The following ZNF57 variants were observed in gnomAD, a reference collection of about 807,000 sequenced individuals.
ZNF57 encodes zinc finger protein 424.
Under a neutral mutation model 13.4 loss-of-function variants are expected in ZNF57, and 11 were observed. That is an observed-to-expected ratio of 0.82 (90% confidence interval 0.52 to 1.36). The LOEUF (loss-of-function observed/expected upper bound fraction) is 1.36. Ranked by LOEUF, ZNF57 falls within the 40% of genes most tolerant of loss-of-function variation. The probability of loss-of-function intolerance (pLI) is 0.00; values close to 1 mark genes in which losing one functional copy is unlikely to be tolerated. For synonymous variants in ZNF57, 224 were observed against 238.5 expected, an observed-to-expected ratio of 0.94 and a Z score of 0.56; for missense variants, 696 against 667.5, an observed-to-expected ratio of 1.04 and a Z score of -0.47.
intron 1 of ZNF57, among the ~76,000 whole-genome samples, chr19:2,914,213 T>C (rs975581914): frequency 3.3e-5 from 5 of 152,228 alleles, no homozygotes; most frequent in Admixed American, 3.3e-4. Context: ...TGGGTGTTTA[T>C]GTTTCAACTT....
intron 1 of ZNF57, among the ~76,000 whole-genome samples, chr19:2,908,395 C>A (rs2088094687): frequency 6.7e-6 from 1 of 148,390 alleles, no homozygotes; most frequent in Non-Finnish European, 1.5e-5. Context: ...TAAAAACCAG[C>A]TTTACTGACA....
Position 2,915,638 on chromosome 19 carries a change from G to A in ZNF57, c.120G>A (p.Leu40=). 1 of 1,613,834 alleles carries A rather than the reference G, an allele frequency of 6.2e-7. No individual in the cohort carries two copies. The highest frequency in any genetic ancestry group is 8.5e-7 in the Non-Finnish European group (1 of 1,179,830). The stretch of plus-strand genomic sequence containing the variant: ...TGATGCTGGAGACCTTCCGGAACCT[G>A]GCCTCAGTAGGTGAGGATGGCATCA... ...RDVMLETFRN[L]ASVDDGTQFK... The change falls in exon 2 of 4, where the codon CTG becomes CTA. Residue 40 remains leucine (L), a synonymous_variant. Coordinates refer to ENST00000306908, the MANE Select transcript of ZNF57 (RefSeq NM_173480.3).
chr19:2,914,377 C>T (rs941742751), intron 1 of ZNF57, among the ~76,000 whole-genome samples: 2 of 152,170 alleles, frequency 1.3e-5, no homozygotes, highest in Admixed American at 6.5e-5. Context: ...GCCTCAGCCT[C>T]CTGAGTAGCT....
At chr19:2,914,365 C>T (rs1050633808) in intron 1 of ZNF57, among the ~76,000 whole-genome samples, 1 of 152,182 alleles carries the variant, frequency 6.6e-6, no homozygotes, top group Non-Finnish European at 1.5e-5. Context: ...AGTGATTCTC[C>T]TGCCTCAGCC....
intron 2 of ZNF57, 70 bp from the exon 3 acceptor site, chr19:2,916,008 C>T: frequency 2.6e-6 from 4 of 1,513,188 alleles, no homozygotes; most frequent in Non-Finnish European, 3.6e-6. Flanking sequence ...AAATGCTAAA[C>T]TCCTCAGTGT....
At chr19:2,904,346 C>T (rs538147637) in intron 1 of ZNF57, among the ~76,000 whole-genome samples, 14 of 152,010 alleles carry the variant, frequency 9.2e-5, no homozygotes, top group African/African-American at 3.4e-4. Context: ...ATTTTGTGTA[C>T]TTATTTATTT....
At chr19:2,911,141 C>A (rs903540074) in intron 1 of ZNF57, among the ~76,000 whole-genome samples, 2 of 152,218 alleles carry the variant, frequency 1.3e-5, no homozygotes, top group Admixed American at 1.3e-4. Context: ...TGGCTCACTG[C>A]AGCCTTAATC....
In ZNF57 at chr19:2,917,742, C is replaced by T. The variant is rs759043904; in HGVS notation, c.1121C>T (p.Thr374Ile). 2.5e-6 allele frequency: 4 copies of T among 1,613,416 alleles called. No individual in the cohort carries two copies. The South Asian group carries it at 4.4e-5, about 18-fold the overall frequency. Residue 374 changes from threonine (T) to isoleucine (I), a missense_variant, in exon 4 of 4, where the codon ACT becomes ATT. Thr to Ile is a moderately conservative substitution (Grantham distance 89). Coordinates refer to ENST00000306908, the MANE Select transcript of ZNF57 (RefSeq NM_173480.3). Reference protein sequence around the residue: ...YECKQCGKAFTWSSTFREHVR... With the variant: ...YECKQCGKAFIWSSTFREHVR... ...TGTAAACAATGTGGGAAAGCCTTCA[C>T]TTGGTCCTCAACGTTTAGAGAACAT...
At chr19:2,911,013 C>G (rs916481458) in intron 1 of ZNF57, among the ~76,000 whole-genome samples, 1 of 151,726 alleles carries the variant, frequency 6.6e-6, no homozygotes, top group Non-Finnish European at 1.5e-5. Context: ...TTTCTCCTTT[C>G]TTAGCAAGTC....
chr19:2,914,811 C>T (rs181113488), intron 1 of ZNF57, among the ~76,000 whole-genome samples: 4 of 152,248 alleles, frequency 2.6e-5, no homozygotes, highest in South Asian at 2.1e-4. Flanking sequence ...CAAAACAGTG[C>T]GTTTTAATTA....
rs1175771371 is a variant in ZNF57 at position 2,917,824 on chromosome 19, T to G, written c.1203T>G (p.Phe401Leu). The G allele has an allele frequency of 6.2e-7, 1 of 1,603,922 alleles. No individual in the cohort carries two copies. Among genetic ancestry groups the G allele is most frequent in the African/African-American group, 1.3e-5 (1 of 74,508 alleles). Residue 401 changes from phenylalanine to leucine, a missense_variant, in exon 4 of 4, where the codon TTT becomes TTG. Phe to Leu is a conservative substitution (Grantham distance 22). This residue lies in a region of ZNF57 where 645 missense variants were observed against 591.5 expected (regional missense o/e 1.09). Transcript: ENST00000306908. ...AATGTGAACAATGTGGGAAGGCTTTTACCTCTTCCAGATCATTCCGAGGTC... is the reference window on the plus strand; with the variant it reads ...AATGTGAACAATGTGGGAAGGCTTTGACCTCTTCCAGATCATTCCGAGGTC... Reference protein sequence around the residue: ...LYKCEQCGKAFTSSRSFRGHL... With the variant: ...LYKCEQCGKALTSSRSFRGHL...
chr19:2,905,234 G>T (rs1247083868), intron 1 of ZNF57, among the ~76,000 whole-genome samples: 1 of 151,598 alleles, frequency 6.6e-6, no homozygotes, highest in Non-Finnish European at 1.5e-5. Flanking sequence ...GCACAATCTT[G>T]GCTCACTGCA....
At chr19:2,907,778 A>C (rs949428560) in intron 1 of ZNF57, among the ~76,000 whole-genome samples, 2 of 152,202 alleles carry the variant, frequency 1.3e-5, no homozygotes, top group African/African-American at 4.8e-5. Flanking sequence ...CAGTGGTGTG[A>C]TCACAGCTCA....
chr19:2,911,190 GTAGC>G (rs1018138550), intron 1 of ZNF57, among the ~76,000 whole-genome samples: 3 of 151,670 alleles, frequency 2.0e-5, no homozygotes, highest in African/African-American at 7.3e-5. Flanking sequence ...AGCTTCCCAA[GTAGC>G]TAGGACCACA....
chr19:2,908,817 C>G (rs779416271), intron 1 of ZNF57, among the ~76,000 whole-genome samples: 2 of 152,090 alleles, frequency 1.3e-5, no homozygotes, highest in African/African-American at 2.4e-5. Context: ...CCTATTGCCC[C>G]GGAGCCCCTC....
chr19:2,908,625 G>C (rs985620912), intron 1 of ZNF57, among the ~76,000 whole-genome samples: 1 of 151,712 alleles, frequency 6.6e-6, no homozygotes, highest in Admixed American at 6.6e-5. Flanking sequence ...GGATGATCTC[G>C]ACCTCCTGAC....
At chr19:2,908,461 G>GTT (rs60289248) in intron 1 of ZNF57, among the ~76,000 whole-genome samples, 8,898 of 122,436 alleles carry the variant, frequency 0.073, 1,149 homozygotes, top group African/African-American at 0.24. Context: ...TATTTTTTTG[G>GTT]TTTTTTTTTT....
At chr19:2,915,813 A>T in intron 2 of ZNF57, 165 bp downstream of exon 2, 7 of 1,190,744 alleles carry the variant, frequency 5.9e-6, no homozygotes, top group South Asian at 2.6e-5. Flanking sequence ...AACATGTGTG[A>T]AACAGATGTT....
chr19:2,917,612 A>G lies in ZNF57; in HGVS notation c.991A>G (p.Thr331Ala). 6.2e-7 allele frequency: 1 copy of G among 1,613,730 alleles called. No individual in the cohort carries two copies. Among genetic ancestry groups the G allele is most frequent in the Non-Finnish European group, 8.5e-7 (1 of 1,179,760 alleles). ...ETLRVHMRIH[T>A]GDKLYKCEHC... ...CTTGCGAGTCCACATGAGGATCCAC[A>G]CTGGGGACAAACTCTATAAATGTGA... The change falls in exon 4 of 4, where the codon ACT (threonine) becomes GCT (alanine). Residue 331 changes from threonine (T) to alanine (A), a missense_variant. Around this residue, in one of 3 missense-constraint regions of ZNF57, gnomAD observed 645 missense variants for 591.5 expected, o/e 1.09. Transcript: ENST00000306908.
Sources: gnomAD v4.1 joint callset for allele counts (sites outside exome capture counted in the v4.1 genomes callset) on GRCh38, gnomAD v4.1.1 for gene constraint, gnomAD v4.1.1 regional missense constraint, MANE v1.5 for transcripts, NCBI Gene and HGNC (gene_info 2026-07-23, HGNC 2026-07-21) for gene names.